The following C12orf50 variants were observed in gnomAD, a reference collection of about 807,000 sequenced individuals.
The protein encoded by C12orf50 is zinc finger CCCH-type containing 11D.
In C12orf50, 35 loss-of-function variants were observed where a neutral mutation model predicts 61.6. That is an observed-to-expected ratio of 0.57 (90% CI 0.43 to 0.75). C12orf50 has a LOEUF of 0.75. Among genes scored for constraint, C12orf50 ranks in the 30% least tolerant of loss-of-function variants. The probability of loss-of-function intolerance (pLI) is 0.00; values close to 1 mark genes in which losing one functional copy is unlikely to be tolerated. For missense variants in C12orf50, 475 were observed against 488.5 expected, an observed-to-expected ratio of 0.97 and a Z score of 0.26; for synonymous variants, 178 against 161.5, an observed-to-expected ratio of 1.10 and a Z score of -0.77.
At chr12:88,025,356 T>G (rs1294354645) in intron 3 of C12orf50, among the ~76,000 whole-genome samples, 1 of 152,144 alleles carries the variant, frequency 6.6e-6, no homozygotes, top group African/African-American at 2.4e-5. Context: ...AGAAGTTCTC[T>G]TCTTATTAAA....
At chr12:87,985,001 A>G (rs1565738210) in intron 11 of C12orf50, 1 of 152,090 alleles carries the variant, frequency 6.6e-6, no homozygotes, top group Admixed American at 6.5e-5. Flanking sequence ...AAAAAGAAAA[A>G]TAATTTAAAT....
chr12:88,019,171 G>A (rs534162337), intron 3 of C12orf50, among the ~76,000 whole-genome samples: 36 of 151,660 alleles, frequency 2.4e-4, no homozygotes, highest in Non-Finnish European at 4.6e-4. Flanking sequence ...GGAGGAATTC[G>A]ATGGGAGGTA....
intron 3 of C12orf50, among the ~76,000 whole-genome samples, chr12:88,015,323 T>C (rs979725152): frequency 1.4e-4 from 22 of 152,354 alleles, no homozygotes; most frequent in African/African-American, 5.3e-4. Context: ...TTCAAAACTT[T>C]AACTAAAAGG....
intron 3 of C12orf50, among the ~76,000 whole-genome samples, chr12:88,006,862 T>A (rs1367605545): frequency 6.6e-6 from 1 of 152,192 alleles, no homozygotes; most frequent in Non-Finnish European, 1.5e-5. Context: ...AGAGCTTCTG[T>A]CACACTAAAC....
rs757069245 is a variant in C12orf50 at position 87,985,852 on chromosome 12, G to A, written c.1124C>T (p.Pro375Leu). Residue 375 changes from proline to leucine, a missense_variant and splice_region_variant, in exon 11 of 13, where the codon CCA becomes CTA. Physicochemically the swap from Pro to Leu is moderately conservative, Grantham distance 98. Coordinates refer to ENST00000298699, the MANE Select transcript of C12orf50 (RefSeq NM_152589.3). ...ACCACATCAACAAAGGACCTCACCT[G>A]GACTGAGGTTGGGTTTGGGTTCCCT... ...ANREPKPNLSPDKYTSTSYND... is the reference protein window; with the variant it reads ...ANREPKPNLSLDKYTSTSYND... 1.2e-6 allele frequency: 2 copies of A among 1,612,160 alleles called. No individual in the cohort carries two copies. Among genetic ancestry groups the A allele is most frequent in the Non-Finnish European group, 1.7e-6 (2 of 1,179,466 alleles).
intron 3 of C12orf50, among the ~76,000 whole-genome samples, chr12:88,005,891 CT>C (rs1275638087): frequency 3.1e-5 from 4 of 129,108 alleles, no homozygotes; most frequent in Non-Finnish European, 6.5e-5. Context: ...TGACAAAGGA[CT>C]ATGTTTTTTT....
chr12:88,023,806 C>A (rs2032607494), intron 3 of C12orf50, among the ~76,000 whole-genome samples: 1 of 151,880 alleles, frequency 6.6e-6, no homozygotes, highest in Non-Finnish European at 1.5e-5. Context: ...TTTAATTAAA[C>A]TAAAGAGTTT....
chr12:88,001,094 C>T (rs1449613139), intron 3 of C12orf50, among the ~76,000 whole-genome samples: 3 of 151,664 alleles, frequency 2.0e-5, no homozygotes, highest in Non-Finnish European at 4.4e-5. Flanking sequence ...AGGGGTAAAG[C>T]TTTCAGTATT....
rs116868932 is a variant in C12orf50 at position 88,022,437 on chromosome 12, C to T, written c.133+4051G>A. On this transcript the variant is annotated intron_variant, in intron 3 of 12. Transcript: ENST00000298699. Reference sequence around the variant, plus strand: ...AACTGGAAGCATTCCCCCTTGAAAACTGGAAGAAGACAAGTATACCCTCTG... The same window carrying T: ...AACTGGAAGCATTCCCCCTTGAAAATTGGAAGAAGACAAGTATACCCTCTG... Among the ~76,000 whole-genome samples, 675 of 152,202 alleles carry T rather than the reference C, an allele frequency of 4.4e-3. 4 individuals carry two copies. Among genetic ancestry groups the T allele is most frequent in the South Asian group, 0.013 (65 of 4,818 alleles).
Position 88,026,492 on chromosome 12 carries a change from A to T in C12orf50, c.129T>A (p.Ser43Arg), listed in dbSNP as rs1189867816. The T allele has an allele frequency of 6.2e-7, 1 of 1,613,738 alleles. No homozygotes were observed. Among genetic ancestry groups the T allele is most frequent in the South Asian group, 1.1e-5 (1 of 91,016 alleles). Reference sequence around the variant, plus strand: ...TTATTCAAAAAATGTACTCACTGCTACTTGGTGGCAAAAATAATCCATTGA... The same window carrying T: ...TTATTCAAAAAATGTACTCACTGCTTCTTGGTGGCAAAAATAATCCATTGA... ...RNINGLFLPP[S>R]SNITLQKEIQ... The change falls in exon 3 of 13, where the codon AGT becomes AGA. Residue 43 changes from serine (S) to arginine (R), a missense_variant. Ser to Arg is a moderately radical substitution (Grantham distance 110). Transcript: ENST00000298699.
At chr12:87,984,562 A>G (rs2030703817) in intron 11 of C12orf50, 1 of 152,182 alleles carries the variant, frequency 6.6e-6, no homozygotes, top group South Asian at 2.1e-4. Context: ...TACCGACCTC[A>G]CTGCCCCAGA....
intron 3 of C12orf50, among the ~76,000 whole-genome samples, chr12:88,002,939 G>A (rs1328784973): frequency 6.6e-6 from 1 of 151,640 alleles, no homozygotes; most frequent in Admixed American, 6.6e-5. Flanking sequence ...GATATAAGAG[G>A]TTACTCCTAT....
chr12:88,000,861 A>G (rs1286711245), intron 3 of C12orf50, among the ~76,000 whole-genome samples: 4 of 151,894 alleles, frequency 2.6e-5, no homozygotes, highest in African/African-American at 4.8e-5. Flanking sequence ...AACACAATCC[A>G]TTACTGTATA....
At chr12:87,982,217 C>G (rs911095891) in intron 12 of C12orf50, among the ~76,000 whole-genome samples, 1 of 152,026 alleles carries the variant, frequency 6.6e-6, no homozygotes, top group South Asian at 2.1e-4. Flanking sequence ...CTTTCCCCAC[C>G]CCCCAAATTC....
intron 3 of C12orf50, among the ~76,000 whole-genome samples, chr12:88,021,397 G>T (rs2032512146): frequency 6.6e-6 from 1 of 152,162 alleles, no homozygotes; most frequent in Admixed American, 6.5e-5. Context: ...AGCACTTTGG[G>T]AGGGCCAAGG....
chr12:87,998,184 G>A lies in C12orf50; in HGVS notation c.140C>T (p.Thr47Ile). Residue 47 changes from threonine to isoleucine, a missense_variant, in exon 4 of 13, where the codon ACA becomes ATA. Thr to Ile is a moderately conservative substitution (Grantham distance 89). Coordinates refer to ENST00000298699, the MANE Select transcript of C12orf50 (RefSeq NM_152589.3). ...GLFLPPSSNI[T>I]LQKEIQEGIP... Reference sequence around the variant, plus strand: ...TCCTTCCTGAATTTCTTTCTGTAGTGTGATATCTGCAGAGAAAATGCAACA... The same window carrying A: ...TCCTTCCTGAATTTCTTTCTGTAGTATGATATCTGCAGAGAAAATGCAACA... 1 of 1,611,074 alleles carries A rather than the reference G, an allele frequency of 6.2e-7. No individual in the cohort carries two copies. Among genetic ancestry groups the A allele is most frequent in the South Asian group, 1.1e-5 (1 of 90,714 alleles).
At chr12:88,024,768 A>T (rs530979089) in intron 3 of C12orf50, among the ~76,000 whole-genome samples, 84 of 152,290 alleles carry the variant, frequency 5.5e-4, no homozygotes, top group Admixed American at 2.3e-3. Flanking sequence ...CAGAACCTAA[A>T]ATAAAAGTTA....
intron 7 of C12orf50, 39 bp downstream of exon 7, chr12:87,994,594 G>T (rs761524029): frequency 6.9e-6 from 9 of 1,309,372 alleles, no homozygotes; most frequent in South Asian, 1.2e-5. Context: ...TTATTATGTG[G>T]TGATATATTC....
In C12orf50 at chr12:88,008,263, G is replaced by GTGTC. The variant is rs199547150; in HGVS notation, c.134-10077_134-10074dup. 7.8e-4 allele frequency among the ~76,000 whole-genome samples: 119 copies of GTGTC among 152,120 alleles called. No individual in the cohort carries two copies. In the East Asian group the frequency reaches 0.021, roughly 26 times the overall value. The stretch of plus-strand genomic sequence containing the variant: ...CCCAGTGTGTGTTGTTCTCCTCTAT[G>GTGTC]TGTCCATTTTTCTCATCATTTAGCT... On this transcript the variant is annotated intron_variant, in intron 3 of 12. Coordinates refer to ENST00000298699, the MANE Select transcript of C12orf50 (RefSeq NM_152589.3).
Sources: gnomAD v4.1 joint callset for allele counts (sites outside exome capture counted in the v4.1 genomes callset) on GRCh38, gnomAD v4.1.1 for gene constraint, MANE v1.5 for transcripts, NCBI Gene and HGNC (gene_info 2026-07-23, HGNC 2026-07-21) for gene names.